Variants in GBF1 observed in about 807,000 individuals in gnomAD.
GBF1 encodes Golgi-specific brefeldin A-resistance guanine nucleotide exchange factor 1.
GBF1 carries 114 observed loss-of-function variants against 210.5 expected under a neutral mutation model. The observed-to-expected ratio is 0.54, with a 90% CI of 0.47 to 0.63. The LOEUF (loss-of-function observed/expected upper bound fraction) is 0.63. Among genes scored for constraint, GBF1 ranks in the 30% least tolerant of loss-of-function variants. The probability of loss-of-function intolerance (pLI) is 0.00; values close to 1 mark genes in which losing one functional copy is unlikely to be tolerated. For missense variants in GBF1, 1,851 were observed against 2,357.7 expected (o/e 0.79, Z 4.45); for synonymous variants, 850 against 889.2 (o/e 0.96, Z 0.78).
chr10:102,233,845 C>T, the GBF1 span, among the ~76,000 whole-genome samples: 1 of 152,198 alleles, frequency 6.6e-6, no homozygotes, highest in Non-Finnish European at 1.5e-5. Flanking sequence ...CTTAGCCTCA[C>T]ATTGCCCAGG....
chr10:102,357,048 A>G (rs570534593), intron 8 of GBF1, among the ~76,000 whole-genome samples: 31 of 152,192 alleles, frequency 2.0e-4, no homozygotes, highest in Non-Finnish European at 4.1e-4. Flanking sequence ...TCTCATTGAT[A>G]TAACAAATTG....
In GBF1 at chr10:102,376,294, C is replaced by A; in HGVS notation, c.3909C>A (p.Leu1303=). 6.2e-7 allele frequency: 1 copy of A among 1,614,032 alleles called. No individual in the cohort carries two copies. The highest frequency in any genetic ancestry group is 8.5e-7 in the Non-Finnish European group (1 of 1,179,940). Residue 1303 remains leucine (L), a synonymous_variant, in exon 31 of 40, where the codon CTC becomes CTA. Coordinates refer to ENST00000369983, the MANE Select transcript of GBF1 (RefSeq NM_001377137.1). ...TAGGGGCCCAGTCAGATAGTGAGCTCCCATCCTACCATCAGAATGACGTGA... is the reference window on the plus strand; with the variant it reads ...TAGGGGCCCAGTCAGATAGTGAGCTACCATCCTACCATCAGAATGACGTGA... ...PDAGAQSDSE[L]PSYHQNDVSL...
intron 33 of GBF1, among the ~76,000 whole-genome samples, chr10:102,379,021 G>T (rs1044454907): frequency 2.6e-5 from 4 of 152,228 alleles, no homozygotes; most frequent in Non-Finnish European, 4.4e-5. Context: ...CTTTCTCACT[G>T]TGAGTAAGGA....
At chr10:102,270,367 A>C (rs962539970) in intron 3 of GBF1, among the ~76,000 whole-genome samples, 3 of 151,348 alleles carry the variant, frequency 2.0e-5, no homozygotes, top group Admixed American at 6.6e-5. Flanking sequence ...ACAGGGTTTC[A>C]CCATGTTGGC....
chr10:102,348,919 C>A (rs1352735172), intron 4 of GBF1, among the ~76,000 whole-genome samples: 2 of 151,976 alleles, frequency 1.3e-5, no homozygotes, highest in Non-Finnish European at 1.5e-5. Flanking sequence ...GGGGTCCAGG[C>A]AGGCAGATCA....
In GBF1 at chr10:102,369,307, C is replaced by T; in HGVS notation, c.3070C>T (p.Leu1024=). 1 of 1,613,914 alleles carries T rather than the reference C, an allele frequency of 6.2e-7. No homozygotes were observed. Among genetic ancestry groups the T allele is most frequent in the South Asian group, 1.1e-5 (1 of 91,086 alleles). The change falls in exon 24 of 40, where the codon CTG becomes TTG. Residue 1024 remains leucine, a synonymous_variant. Coordinates refer to ENST00000369983, the MANE Select transcript of GBF1 (RefSeq NM_001377137.1). ...TTTGGCCCATCGTCATGGTGACATC[C>T]TGCGGGAGGGCTGGAAGAATATCAT... is the stretch of plus-strand genomic sequence containing the variant. ...FHLAHRHGDI[L]REGWKNIMEA... is the part of the protein sequence containing the mutation.
intron 1 of GBF1, among the ~76,000 whole-genome samples, chr10:102,252,482 A>G (rs1432152704): frequency 1.3e-5 from 2 of 152,216 alleles, no homozygotes; most frequent in African/African-American, 2.4e-5. Context: ...AAGAGTGAGA[A>G]AAAACATTCA....
chr10:102,368,494 T>C (rs770075387), intron 22 of GBF1, 40 bp downstream of exon 22: 1 of 1,103,388 alleles, frequency 9.1e-7, no homozygotes, highest in South Asian at 1.2e-5. Context: ...TCCCACTAGC[T>C]CTGTGAGCTA....
chr10:102,367,241 G>C (rs757799620), intron 20 of GBF1, 31 bp downstream of exon 20: 10 of 1,609,062 alleles, frequency 6.2e-6, no homozygotes, highest in African/African-American at 1.3e-5. Flanking sequence ...AGGCAAAGAA[G>C]ACCCAGCACA....
intron 3 of GBF1, among the ~76,000 whole-genome samples, chr10:102,301,857 A>G (rs376818127): frequency 7.0e-6 from 1 of 143,024 alleles, no homozygotes; most frequent in African/African-American, 2.6e-5. Flanking sequence ...ACTTCCCAGA[A>G]GGGGTGGCGG....
rs1263151407 is a variant in GBF1 at position 102,293,764 on chromosome 10, G to GTTTTTTTTTTTTTTTTTTTTTTT, written c.163+33652_163+33653insTTTTTTTTTTTTTTTTTTTTTTT. 2.7e-3 allele frequency among the ~76,000 whole-genome samples: 137 copies of GTTTTTTTTTTTTTTTTTTTTTTT among 50,884 alleles called. 58 individuals carry two copies. Among genetic ancestry groups the GTTTTTTTTTTTTTTTTTTTTTTT allele is most frequent in the Non-Finnish European group, 4.4e-3 (105 of 23,608 alleles). The allele number at this position is 50,884 out of a possible 152,430, so 33.4% of individuals were successfully genotyped here. On this transcript the variant is annotated intron_variant, in intron 3 of 39. Coordinates refer to ENST00000369983, the MANE Select transcript of GBF1 (RefSeq NM_001377137.1). The stretch of plus-strand genomic sequence containing the variant: ...AAAATATTTTGTACAGCTGTAGTAT[G>GTTTTTTTTTTTTTTTTTTTTTTT]TTTTGTGTTTTTTTTTTTTTTTTTT...
At chr10:102,324,034 C>T (rs999277480) in intron 3 of GBF1, among the ~76,000 whole-genome samples, 2 of 152,142 alleles carry the variant, frequency 1.3e-5, no homozygotes, top group Non-Finnish European at 2.9e-5. Flanking sequence ...CTCTCTTATA[C>T]TGGTGCAAGT....
At chr10:102,274,889 T>G (rs900301442) in intron 3 of GBF1, among the ~76,000 whole-genome samples, 1 of 151,762 alleles carries the variant, frequency 6.6e-6, no homozygotes, top group African/African-American at 2.4e-5. Context: ...TTTTTGTATT[T>G]TTAGTAGTGA....
intron 3 of GBF1, among the ~76,000 whole-genome samples, chr10:102,294,443 G>T (rs1055102363): frequency 6.7e-6 from 1 of 150,230 alleles, no homozygotes; most frequent in Non-Finnish European, 1.5e-5. Context: ...GTGCAGTGGC[G>T]CAATCTTGGC....
At chr10:102,252,461 A>T (rs1169710603) in intron 1 of GBF1, among the ~76,000 whole-genome samples, 1 of 152,214 alleles carries the variant, frequency 6.6e-6, no homozygotes, top group African/African-American at 2.4e-5. Context: ...GTAAGGGTTT[A>T]TCAGGTGGAC....
chr10:102,254,230 G>A (rs2072022322), intron 1 of GBF1, among the ~76,000 whole-genome samples: 1 of 151,862 alleles, frequency 6.6e-6, no homozygotes, highest in South Asian at 2.1e-4. Context: ...CTTATGCTGA[G>A]TTTATAAAAA....
At chr10:102,330,184 T>C (rs1206596652) in intron 3 of GBF1, among the ~76,000 whole-genome samples, 3 of 152,072 alleles carry the variant, frequency 2.0e-5, no homozygotes, top group Non-Finnish European at 4.4e-5. Flanking sequence ...CATGGTATAA[T>C]ATTGAAGAGT....
At chr10:102,360,546 C>G in intron 12 of GBF1, 151 bp downstream of exon 12, 1 of 614,826 alleles carries the variant, frequency 1.6e-6, no homozygotes, top group East Asian at 2.7e-5. Flanking sequence ...TCCAGTAGTT[C>G]CCCAGGGACT....
rs1295951891 is a variant in GBF1 at position 102,361,811 on chromosome 10, C to G, written c.1585C>G (p.Leu529Val). ...KEMALEAIVQ[L>V]WRIPSFVTEL... ...GATGGCACTGGAGGCCATTGTGCAG[C>G]TCTGGCGCATCCCCAGCTTTGTCAC... Residue 529 changes from leucine (L) to valine (V), a missense_variant, in exon 14 of 40, where the codon CTC becomes GTC. Physicochemically the swap from Leu to Val is conservative, Grantham distance 32. This residue lies in a region of GBF1 where 804 missense variants were observed against 958.6 expected (regional missense o/e 0.84). Transcript: ENST00000369983. The G allele has an allele frequency of 1.1e-5, 17 of 1,613,350 alleles. No homozygotes were observed. The highest frequency in any genetic ancestry group is 1.4e-5 in the Non-Finnish European group (17 of 1,179,416).
Sources: gnomAD v4.1 joint callset for allele counts (sites outside exome capture counted in the v4.1 genomes callset) on GRCh38, gnomAD v4.1.1 for gene constraint, gnomAD v4.1.1 regional missense constraint, MANE v1.5 for transcripts, NCBI Gene and HGNC (gene_info 2026-07-23, HGNC 2026-07-21) for gene names.